Variants in EIF4G3 observed in about 807,000 individuals in gnomAD.
EIF4G3 encodes eukaryotic translation initiation factor 4 gamma 3, also known as eIF-4-gamma 3.
A neutral mutation model predicts 186.4 loss-of-function variants in EIF4G3; 34 were observed. That is an observed-to-expected ratio of 0.18 (90% CI 0.14 to 0.24). The LOEUF is 0.24. EIF4G3 is among the 10% of genes least tolerant of loss of function. The probability of loss-of-function intolerance (pLI) is 1.00; values close to 1 mark genes in which losing one functional copy is unlikely to be tolerated. For missense variants in EIF4G3, 1,536 were observed against 1,948.5 expected, an observed-to-expected ratio of 0.79 and a Z score of 3.99; for synonymous variants, 673 against 679.5, an observed-to-expected ratio of 0.99 and a Z score of 0.15.
chr1:20,990,403 G>A (rs1355348734), intron 7 of EIF4G3, among the ~76,000 whole-genome samples: 6 of 151,872 alleles, frequency 4.0e-5, no homozygotes, highest in South Asian at 2.1e-4. Context: ...AGCCGGGTGC[G>A]GTGGCACACA....
intron 30 of EIF4G3, among the ~76,000 whole-genome samples, chr1:20,831,757 C>G (rs1054418410): frequency 7.8e-6 from 1 of 128,976 alleles, no homozygotes; most frequent in Admixed American, 8.4e-5. Flanking sequence ...ATCCCTCCCC[C>G]CTCCCCCGAC....
chr1:20,917,997 G>A (rs1233478499), intron 14 of EIF4G3, among the ~76,000 whole-genome samples: 3 of 151,946 alleles, frequency 2.0e-5, no homozygotes, highest in Non-Finnish European at 4.4e-5. Context: ...GGGATTCCAA[G>A]GGCTTTTTTT....
intron 2 of EIF4G3, among the ~76,000 whole-genome samples, chr1:21,119,484 G>A (rs992482229): frequency 1.3e-5 from 2 of 151,950 alleles, no homozygotes; most frequent in African/African-American, 4.8e-5. Context: ...AGCCCCAAAG[G>A]GCCACCATAT....
At chr1:21,117,763 T>TAAAAAAAAAAAAAAAAAAAAAAAAAAAA (rs757506833) in intron 2 of EIF4G3, among the ~76,000 whole-genome samples, 69 of 107,576 alleles carry the variant, frequency 6.4e-4, no homozygotes, top group East Asian at 1.9e-3. Flanking sequence ...AAAAAAAAAT[T>TAAAAAAAAAAAAAAAAAAAAAAAAAAAA]AAAAGCAGAA....
At chr1:21,135,271 G>A (rs1470832702) in intron 2 of EIF4G3, among the ~76,000 whole-genome samples, 4 of 152,140 alleles carry the variant, frequency 2.6e-5, no homozygotes, top group African/African-American at 2.4e-5. Flanking sequence ...AGACCAAGGC[G>A]GGTGGATCAC....
chr1:21,097,044 T>C (rs1470808507), intron 2 of EIF4G3, among the ~76,000 whole-genome samples: 6 of 152,208 alleles, frequency 3.9e-5, no homozygotes, highest in South Asian at 2.1e-4. Flanking sequence ...ATGGTAAATA[T>C]TGTGTTATGT....
At chr1:21,047,689 A>G (rs1441571572) in intron 4 of EIF4G3, among the ~76,000 whole-genome samples, 2 of 152,096 alleles carry the variant, frequency 1.3e-5, no homozygotes, top group African/African-American at 2.4e-5. Flanking sequence ...ATAAATCTGT[A>G]TGCCTTTTTC....
intron 12 of EIF4G3, among the ~76,000 whole-genome samples, chr1:20,958,640 C>G (rs1019206549): frequency 2.0e-5 from 3 of 151,978 alleles, no homozygotes; most frequent in African/African-American, 7.2e-5. Context: ...AACTGTATAC[C>G]TAGAAAACCC....
chr1:20,905,806 AAGG>A (rs2091904391), intron 14 of EIF4G3, among the ~76,000 whole-genome samples: 1 of 152,224 alleles, frequency 6.6e-6, no homozygotes, highest in Admixed American at 6.5e-5. Context: ...AAGGATGAAC[AAGG>A]AGAAGAGTTA....
At position 21,016,621 on chromosome 1, in the gene EIF4G3, T is replaced by C. The variant is rs546928711; in HGVS notation, c.-66-13813A>G. On this transcript the variant is annotated intron_variant, in intron 4 of 36. Transcript: ENST00000602326. ...CTACAGTGAGCCATGATCGCGTCAC[T>C]GCACTCCAGCATGGGTGACAGTATG... Among the ~76,000 whole-genome samples, 80 of 152,164 alleles carry C rather than the reference T, an allele frequency of 5.3e-4. No homozygotes were observed. The East Asian group carries it at 0.013, about 25-fold the overall frequency.
intron 30 of EIF4G3, among the ~76,000 whole-genome samples, chr1:20,831,025 A>C (rs2065013172): frequency 6.6e-6 from 1 of 152,242 alleles, no homozygotes; most frequent in Admixed American, 6.5e-5. Flanking sequence ...TGAAAAAATG[A>C]AACAGAGCTA....
intron 20 of EIF4G3, among the ~76,000 whole-genome samples, chr1:20,869,900 G>A (rs117249635): frequency 6.6e-6 from 1 of 151,056 alleles, no homozygotes; most frequent in East Asian, 1.9e-4. Flanking sequence ...TGGTTATATC[G>A]TGACCTTAGG....
At chr1:21,159,088 G>C (rs146048233) in intron 2 of EIF4G3, among the ~76,000 whole-genome samples, 1 of 152,138 alleles carries the variant, frequency 6.6e-6, no homozygotes, top group African/African-American at 2.4e-5. Flanking sequence ...ATATTAACAA[G>C]AATTAAGAAC....
chr1:20,948,970 C>CAAAAA (rs34585901), intron 13 of EIF4G3, among the ~76,000 whole-genome samples: 2 of 51,520 alleles, frequency 3.9e-5, no homozygotes, highest in African/African-American at 7.1e-5. Context: ...GACTCTGTCT[C>CAAAAA]AAAAAAAAAA....
intron 13 of EIF4G3, among the ~76,000 whole-genome samples, chr1:20,943,105 T>C (rs925978180): frequency 7.9e-5 from 12 of 152,098 alleles, no homozygotes; most frequent in Non-Finnish European, 4.4e-5. Flanking sequence ...TGAGGTTGCA[T>C]TGAGCTACGA....
At position 21,074,909 on chromosome 1, in the gene EIF4G3, TACAAAA is replaced by T. The variant is rs528525405; in HGVS notation, c.-196+14223_-196+14228del. Among the ~76,000 whole-genome samples the T allele has an allele frequency of 2.7e-3, 407 of 152,244 alleles. 4 individuals carry two copies. The highest frequency in any genetic ancestry group is 0.024 in the Admixed American group (366 of 15,294). ...GGGAAACACAGCAAGACCCTGCCTC[TACAAAA>T]AGTAAAGTATTCGCCGGGGTGGTTA... On this transcript the variant is annotated intron_variant, in intron 3 of 36. Transcript: ENST00000602326.
chr1:20,845,703 A>T (rs2070735777), intron 29 of EIF4G3, among the ~76,000 whole-genome samples: 1 of 151,888 alleles, frequency 6.6e-6, no homozygotes, highest in South Asian at 2.1e-4. Flanking sequence ...AATAAAAAAA[A>T]TACATATATA....
intron 12 of EIF4G3, among the ~76,000 whole-genome samples, chr1:20,956,485 C>G (rs1360214318): frequency 6.6e-6 from 1 of 151,984 alleles, no homozygotes; most frequent in African/African-American, 2.4e-5. Flanking sequence ...ACAATAACAG[C>G]AGTGAAGGTG....
intron 11 of EIF4G3, among the ~76,000 whole-genome samples, chr1:20,970,739 G>A (rs2075710432): frequency 6.6e-6 from 1 of 152,300 alleles, no homozygotes; most frequent in South Asian, 2.1e-4. Context: ...TGAGGTGGGC[G>A]GATGACCTGA....
Sources: gnomAD v4.1 joint callset for allele counts (sites outside exome capture counted in the v4.1 genomes callset) on GRCh38, gnomAD v4.1.1 for gene constraint, MANE v1.5 for transcripts, NCBI Gene and HGNC (gene_info 2026-07-23, HGNC 2026-07-21) for gene names.